TSPAN7: variants seen among roughly 807,000 people sequenced by gnomAD.
TSPAN7 encodes the protein tetraspanin 7.
In TSPAN7, 1 loss-of-function variant was observed where a neutral mutation model predicts 17.6. The observed-to-expected ratio is 0.06, with a 90% CI of 0.02 to 0.27. TSPAN7 has a LOEUF of 0.27. Ranked by LOEUF, TSPAN7 falls within the 10% of genes least tolerant of loss-of-function variation. TSPAN7 has a pLI of 1.00. For missense variants in TSPAN7, 112 were observed against 201.7 expected (o/e 0.56, Z 2.69); for synonymous variants, 78 against 79.0 (o/e 0.99, Z 0.07).
intron 1 of TSPAN7, among the ~76,000 whole-genome samples, chrX:38,627,824 TAC>T (rs1196247444): frequency 6.2e-5 from 7 of 112,965 alleles, no homozygotes; most frequent in African/African-American, 2.3e-4. Context: ...TGGCACAGAG[TAC>T]AGACACTAAA....
chrX:38,666,327 T>C lies in TSPAN7; in HGVS notation c.270+18T>C, dbSNP rs374035021. 5 of 1,194,601 alleles carry C rather than the reference T, an allele frequency of 4.2e-6. No homozygotes were observed. In the African/African-American group the frequency reaches 8.8e-5, roughly 21 times the overall value. ...TGAAACTGGTGAGTATGTCACAACATAATACTGCTTTCTCAACTATATTTT... is the reference window on the plus strand; with the variant it reads ...TGAAACTGGTGAGTATGTCACAACACAATACTGCTTTCTCAACTATATTTT... On this transcript the variant is annotated intron_variant, in intron 2 of 7. Transcript: ENST00000378482.
At chrX:38,562,931 C>T in intron 1 of TSPAN7, 1 of 928,782 alleles carries the variant, frequency 1.1e-6, no homozygotes. Context: ...CTCACCCCCG[C>T]CCCTCACCCA....
At chrX:38,671,601 T>A in intron 3 of TSPAN7, 151 bp downstream of exon 3, 1 of 569,010 alleles carries the variant, frequency 1.8e-6, no homozygotes, top group South Asian at 2.6e-5. Context: ...TGACCTGAAA[T>A]TTTCATGAAA....
intron 1 of TSPAN7, among the ~76,000 whole-genome samples, chrX:38,655,700 A>G (rs1329174469): frequency 9.0e-6 from 1 of 111,447 alleles, no homozygotes; most frequent in Admixed American, 9.6e-5. Context: ...CTTCAGACCA[A>G]CCCACCTCAT....
chrX:38,611,762 C>A (rs752113825), intron 1 of TSPAN7, among the ~76,000 whole-genome samples: 1 of 111,153 alleles, frequency 9.0e-6, no homozygotes, highest in East Asian at 2.8e-4. Flanking sequence ...ATTGTAAATA[C>A]AAAAGAATGT....
At chrX:38,659,256 A>C (rs1047790881) in intron 1 of TSPAN7, among the ~76,000 whole-genome samples, 1 of 110,928 alleles carries the variant, frequency 9.0e-6, no homozygotes, top group Non-Finnish European at 1.9e-5. Flanking sequence ...CATTCTTCCT[A>C]CCCTTTCTTA....
chrX:38,601,570 C>T (rs933960256), intron 1 of TSPAN7, among the ~76,000 whole-genome samples: 2 of 111,899 alleles, frequency 1.8e-5, no homozygotes, highest in Non-Finnish European at 3.8e-5. Flanking sequence ...CATGTTTTTC[C>T]TCTAACCCAG....
chrX:38,622,145 G>A (rs2069491979), intron 1 of TSPAN7, among the ~76,000 whole-genome samples: 1 of 112,524 alleles, frequency 8.9e-6, no homozygotes, highest in Admixed American at 9.4e-5. Flanking sequence ...TATTGGTCCT[G>A]AAGTTAGTTC....
intron 6 of TSPAN7, among the ~76,000 whole-genome samples, chrX:38,687,360 T>C (rs958691506): frequency 9.0e-6 from 1 of 111,351 alleles, no homozygotes; most frequent in Non-Finnish European, 1.9e-5. Context: ...TCCAGTTGGC[T>C]CTGCAGTTAG....
At chrX:38,631,792 C>T in intron 1 of TSPAN7, among the ~76,000 whole-genome samples, 1 of 111,723 alleles carries the variant, frequency 9.0e-6, no homozygotes, top group Non-Finnish European at 1.9e-5. Context: ...AATTGCTACA[C>T]TTTCAAGACA....
chrX:38,677,381 AT>A (rs2069861380), intron 5 of TSPAN7, among the ~76,000 whole-genome samples: 2 of 112,193 alleles, frequency 1.8e-5, no homozygotes, highest in South Asian at 7.4e-4. Flanking sequence ...TGATGGTGAA[AT>A]TTGTCTTCTG....
intron 3 of TSPAN7, among the ~76,000 whole-genome samples, chrX:38,673,364 C>CTTTTTTTTTTTTTTTTTTTTTTTTTATT: frequency 1.2e-5 from 1 of 85,971 alleles, no homozygotes; most frequent in Non-Finnish European, 2.3e-5. Flanking sequence ...GTTTTGTTAA[C>CTTTTTTTTTTTTTTTTTTTTTTTTTATT]TTTTTTTTTT....
chrX:38,605,360 G>A (rs2069373525), intron 1 of TSPAN7, among the ~76,000 whole-genome samples: 1 of 110,520 alleles, frequency 9.0e-6, no homozygotes, highest in Non-Finnish European at 1.9e-5. Flanking sequence ...CAAGGGATGT[G>A]AAGGACCTCT....
intron 1 of TSPAN7, among the ~76,000 whole-genome samples, chrX:38,659,973 C>T (rs1461923551): frequency 2.8e-5 from 3 of 107,961 alleles, no homozygotes; most frequent in Admixed American, 1.0e-4. Context: ...ATTACAGGCA[C>T]GCACCACCAC....
chrX:38,679,583 T>A (rs953839390), intron 5 of TSPAN7, among the ~76,000 whole-genome samples: 3 of 110,938 alleles, frequency 2.7e-5, no homozygotes, highest in African/African-American at 9.8e-5. Flanking sequence ...GTGGATCACC[T>A]GAGGTCAGGA....
intron 1 of TSPAN7, among the ~76,000 whole-genome samples, chrX:38,641,512 C>G (rs1569310567): frequency 1.8e-5 from 2 of 111,728 alleles, no homozygotes; most frequent in Non-Finnish European, 3.8e-5. Context: ...TGATGCCCTT[C>G]TCTGGTATAC....
chrX:38,664,516 G>A (rs1450801802), intron 1 of TSPAN7, among the ~76,000 whole-genome samples: 2 of 111,726 alleles, frequency 1.8e-5, no homozygotes, highest in African/African-American at 6.5e-5. Flanking sequence ...TAGAACTCTT[G>A]GCAACATCTG....
At chrX:38,629,720 T>C (rs2069539591) in intron 1 of TSPAN7, among the ~76,000 whole-genome samples, 1 of 111,591 alleles carries the variant, frequency 9.0e-6, no homozygotes, top group Non-Finnish European at 1.9e-5. Flanking sequence ...ATGGCTAACA[T>C]TGCATGTATA....
At chrX:38,633,899 T>TA (rs993306342) in intron 1 of TSPAN7, among the ~76,000 whole-genome samples, 2 of 112,428 alleles carry the variant, frequency 1.8e-5, no homozygotes, top group Non-Finnish European at 3.8e-5. Flanking sequence ...TGATATTCAC[T>TA]AACTTGTTTA....
Sources: gnomAD v4.1 joint callset for allele counts (sites outside exome capture counted in the v4.1 genomes callset) on GRCh38, gnomAD v4.1.1 for gene constraint, MANE v1.5 for transcripts, NCBI Gene and HGNC (gene_info 2026-07-23, HGNC 2026-07-21) for gene names.